The following RIC1 variants were observed in gnomAD, a reference collection of about 807,000 sequenced individuals.
The protein encoded by RIC1 is RIC1 partner of RAB6A GEF complex, also known as guanine nucleotide exchange factor subunit RIC1.
Under a neutral mutation model 169.0 loss-of-function variants are expected in RIC1, and 88 were observed. The observed-to-expected ratio is 0.52, with a 90% confidence interval of 0.44 to 0.62. The LOEUF (loss-of-function observed/expected upper bound fraction) is 0.62, where lower values mean the gene tolerates loss of function less well. Ranked by LOEUF, RIC1 falls within the 20% of genes least tolerant of loss-of-function variation. RIC1 has a pLI of 0.00. For synonymous variants in RIC1, 790 were observed against 601.5 expected, an observed-to-expected ratio of 1.31 and a Z score of -4.59; for missense variants, 1,877 against 1,725.5, an observed-to-expected ratio of 1.09 and a Z score of -1.56.
rs968327417 is a variant in RIC1, at chr9:5,770,212, A to T, written c.3550A>T (p.Ile1184Leu). 6.2e-7 allele frequency: 1 copy of T among 1,614,024 alleles called. No homozygotes were observed. Among genetic ancestry groups the T allele is most frequent in the South Asian group, 1.1e-5 (1 of 91,078 alleles). ...LSNIGPTHHE[I>L]DTASSHGPQM... ...CAACATTGGCCCCACCCATCATGAG[A>T]TAGACACAGCTTCATCCCATGGACC... The change falls in exon 23 of 26, where the codon ATA (isoleucine) becomes TTA (leucine). Residue 1184 changes from isoleucine (I) to leucine (L), a missense_variant. Physicochemically the swap from Ile to Leu is conservative, Grantham distance 5. Coordinates refer to ENST00000414202, the MANE Select transcript of RIC1 (RefSeq NM_020829.4).
At chr9:5,771,301 G>A (rs1827203267) in intron 23 of RIC1, among the ~76,000 whole-genome samples, 1 of 152,072 alleles carries the variant, frequency 6.6e-6, no homozygotes, top group Admixed American at 6.6e-5. Context: ...TTCATATAAG[G>A]AAATCATATA....
intron 3 of RIC1, among the ~76,000 whole-genome samples, chr9:5,711,408 C>A (rs1019983451): frequency 8.5e-5 from 13 of 152,056 alleles, no homozygotes; most frequent in African/African-American, 3.1e-4. Context: ...GAAACCAAAC[C>A]ACAATATTAT....
intron 1 of RIC1, among the ~76,000 whole-genome samples, chr9:5,643,292 A>G (rs148405137): frequency 2.0e-3 from 302 of 152,322 alleles, no homozygotes; most frequent in African/African-American, 6.7e-3. Flanking sequence ...ATTTGTTTAT[A>G]CTGCTTTTTC....
At chr9:5,719,394 G>A (rs997300295) in intron 4 of RIC1, 8 of 152,216 alleles carry the variant, frequency 5.3e-5, no homozygotes, top group African/African-American at 1.7e-4. Flanking sequence ...ATTGATAAGT[G>A]ATGAGATCAT....
At chr9:5,694,632 G>T (rs1395456852) in intron 3 of RIC1, among the ~76,000 whole-genome samples, 4 of 152,098 alleles carry the variant, frequency 2.6e-5, no homozygotes, top group African/African-American at 9.7e-5. Flanking sequence ...ATAAGTTCTG[G>T]ATAGTGAAAA....
At chr9:5,698,272 C>G (rs1822020820) in intron 3 of RIC1, among the ~76,000 whole-genome samples, 1 of 152,160 alleles carries the variant, frequency 6.6e-6, no homozygotes, top group African/African-American at 2.4e-5. Context: ...TCTTTTAAGA[C>G]TTCTGTGTAG....
At chr9:5,663,880 T>C (rs865865264) in intron 2 of RIC1, among the ~76,000 whole-genome samples, 4 of 152,212 alleles carry the variant, frequency 2.6e-5, no homozygotes, top group African/African-American at 4.8e-5. Flanking sequence ...TGCAGACTTA[T>C]GTGGTTCCTT....
At chr9:5,710,391 T>A (rs1822860207) in intron 3 of RIC1, among the ~76,000 whole-genome samples, 1 of 152,206 alleles carries the variant, frequency 6.6e-6, no homozygotes, top group African/African-American at 2.4e-5. Flanking sequence ...TCCAGACTTC[T>A]GTCTTTCACG....
intron 2 of RIC1, among the ~76,000 whole-genome samples, chr9:5,679,636 G>C (rs376668153): frequency 1.8e-3 from 269 of 152,064 alleles, no homozygotes; most frequent in South Asian, 0.014. Flanking sequence ...ATTTGGCTCT[G>C]TGTTTGTCTG....
chr9:5,699,097 T>C (rs1260961753), intron 3 of RIC1, among the ~76,000 whole-genome samples: 1 of 152,208 alleles, frequency 6.6e-6, no homozygotes, highest in Non-Finnish European at 1.5e-5. Context: ...TTAACAAAGA[T>C]AGCTTCTTTA....
At chr9:5,710,786 T>G (rs1460409237) in intron 3 of RIC1, among the ~76,000 whole-genome samples, 1 of 152,142 alleles carries the variant, frequency 6.6e-6, no homozygotes, top group African/African-American at 2.4e-5. Flanking sequence ...GGGGAGTGGA[T>G]GAGAAAATTC....
intron 3 of RIC1, chr9:5,712,802 C>T (rs1823011735): frequency 6.6e-6 from 1 of 152,144 alleles, no homozygotes; most frequent in Non-Finnish European, 1.5e-5. Flanking sequence ...TACAGGCTGT[C>T]ACATCAGTCA....
intron 3 of RIC1, among the ~76,000 whole-genome samples, chr9:5,693,767 TG>T (rs1821726433): frequency 6.6e-6 from 1 of 152,132 alleles, no homozygotes; most frequent in South Asian, 2.1e-4. Context: ...TTCAGCATAA[TG>T]AAAAAAATTT....
chr9:5,713,923 C>A lies in RIC1; in HGVS notation c.360C>A (p.Pro120=). ...PKGSPQMKGT[P]HFKEEQCAPA... is the part of the protein sequence containing the mutation. Reference sequence around the variant, plus strand: ...GAAGTCCACAAATGAAGGGGACACCCCATTTTAAGGAAGAACAGTGTGCTC... The same window carrying A: ...GAAGTCCACAAATGAAGGGGACACCACATTTTAAGGAAGAACAGTGTGCTC... The change falls in exon 4 of 26, where the codon CCC becomes CCA. Residue 120 remains proline, a synonymous_variant. Transcript: ENST00000414202. The A allele has an allele frequency of 6.2e-7, 1 of 1,612,806 alleles. No individual in the cohort carries two copies. The highest frequency in any genetic ancestry group is 8.5e-7 in the Non-Finnish European group (1 of 1,179,150).
At chr9:5,734,755 G>C (rs1824595352) in intron 7 of RIC1, among the ~76,000 whole-genome samples, 1 of 152,108 alleles carries the variant, frequency 6.6e-6, no homozygotes, top group African/African-American at 2.4e-5. Flanking sequence ...AACATTGTGA[G>C]ATTCATCCAT....
rs73392633 is a variant in RIC1, at chr9:5,669,626, G to A, written c.252+12936G>A. ...AATTGGTGTTAAAGAAAAAATTATC[G>A]AATAATACTTGTTGAAACACAGTAA... On this transcript the variant is annotated intron_variant, in intron 2 of 25. Transcript: ENST00000414202. 7.1e-3 allele frequency among the ~76,000 whole-genome samples: 1,087 copies of A among 152,130 alleles called. 12 individuals carry two copies. Among genetic ancestry groups the A allele is most frequent in the African/African-American group, 0.024 (1,015 of 41,472 alleles).
chr9:5,679,218 A>G (rs1820651060), intron 2 of RIC1, among the ~76,000 whole-genome samples: 1 of 151,964 alleles, frequency 6.6e-6, no homozygotes, highest in Non-Finnish European at 1.5e-5. Flanking sequence ...CTGTTTTGGT[A>G]CCAGTACTGT....
intron 17 of RIC1, 59 bp from the exon 18 acceptor site, chr9:5,762,482 G>T (rs35750762): frequency 0.021 from 33,414 of 1,595,460 alleles, 413 homozygotes; most frequent in Non-Finnish European, 0.025. Context: ...ATTGGGGGGA[G>T]ATGCGGAAAG....
intron 3 of RIC1, among the ~76,000 whole-genome samples, chr9:5,709,171 A>G (rs1822780364): frequency 6.6e-6 from 1 of 152,188 alleles, no homozygotes; most frequent in Non-Finnish European, 1.5e-5. Context: ...CTCATATTTT[A>G]TAGGCCAAAG....
Sources: gnomAD v4.1 joint callset for allele counts (sites outside exome capture counted in the v4.1 genomes callset) on GRCh38, gnomAD v4.1.1 for gene constraint, MANE v1.5 for transcripts, NCBI Gene and HGNC (gene_info 2026-07-23, HGNC 2026-07-21) for gene names.